The following TNPO3 variants were observed in gnomAD, a reference collection of about 807,000 sequenced individuals.
TNPO3 encodes transportin 3.
A neutral mutation model predicts 122.8 loss-of-function variants in TNPO3; 65 were observed. The observed-to-expected ratio is 0.53, with a 90% confidence interval of 0.43 to 0.65. The LOEUF is 0.65. Ranked by LOEUF, TNPO3 falls within the 30% of genes least tolerant of loss-of-function variation. The pLI, the probability that TNPO3 is intolerant of heterozygous loss-of-function variation, is 0.00. For missense variants in TNPO3, 850 were observed against 1,136.7 expected, an observed-to-expected ratio of 0.75 and a Z score of 3.63; for synonymous variants, 372 against 411.2, an observed-to-expected ratio of 0.90 and a Z score of 1.15.
At chr7:128,957,563 T>C (rs1367457445) in intron 21 of TNPO3, among the ~76,000 whole-genome samples, 1 of 152,230 alleles carries the variant, frequency 6.6e-6, no homozygotes, top group Non-Finnish European at 1.5e-5. Flanking sequence ...CGAGTTTGAA[T>C]CTTGGCTCCA....
In TNPO3 at chr7:128,955,166, G is replaced by T; in HGVS notation, c.*251C>A. On this transcript the variant is annotated 3_prime_UTR_variant, in exon 23 of 23. Coordinates refer to ENST00000265388, the MANE Select transcript of TNPO3 (RefSeq NM_012470.4). Reference sequence around the variant, plus strand: ...AGGAAACCAGCTCCCCTCCCACCACGCCGGGCAGGCCACAGCCATCTTTTT... The same window carrying T: ...AGGAAACCAGCTCCCCTCCCACCACTCCGGGCAGGCCACAGCCATCTTTTT... 3.5e-6 allele frequency: 1 copy of T among 289,248 alleles called. No homozygotes were observed. The highest frequency in any genetic ancestry group is 6.9e-6 in the Non-Finnish European group (1 of 145,614). The allele number at this position is 289,248 out of a possible 1,614,324, so 17.9% of individuals were successfully genotyped here.
At position 129,050,291 on chromosome 7, in the gene TNPO3, G is replaced by C. The variant is rs182314174; in HGVS notation, c.120+4360C>G. 2.6e-4 allele frequency among the ~76,000 whole-genome samples: 40 copies of C among 151,102 alleles called. No individual in the cohort carries two copies. The East Asian group carries it at 7.4e-3, about 28-fold the overall frequency. ...CCCAGCTACTCTGGAGGCTGAGGCAGGAGAATGGCGTGAACCCGGGAGGCG... is the reference window on the plus strand; with the variant it reads ...CCCAGCTACTCTGGAGGCTGAGGCACGAGAATGGCGTGAACCCGGGAGGCG... On this transcript the variant is annotated intron_variant, in intron 1 of 22. Coordinates refer to ENST00000265388, the MANE Select transcript of TNPO3 (RefSeq NM_012470.4).
At chr7:129,052,000 T>C (rs531460405) in intron 1 of TNPO3, among the ~76,000 whole-genome samples, 2 of 152,272 alleles carry the variant, frequency 1.3e-5, no homozygotes, top group East Asian at 3.9e-4. Flanking sequence ...TGTGACCAGG[T>C]GGCTAAAGAG....
At chr7:128,978,386 T>G (rs1799288930) in intron 16 of TNPO3, among the ~76,000 whole-genome samples, 1 of 152,238 alleles carries the variant, frequency 6.6e-6, no homozygotes, top group Non-Finnish European at 1.5e-5. Context: ...TCTGACTTGC[T>G]ACATTTTTTC....
intron 16 of TNPO3, among the ~76,000 whole-genome samples, chr7:128,976,181 T>C (rs1021146901): frequency 6.6e-6 from 1 of 152,208 alleles, no homozygotes; most frequent in Non-Finnish European, 1.5e-5. Context: ...GAGTTAAAGC[T>C]AGAAGCTATC....
At chr7:129,008,697 A>G (rs1045519363) in intron 4 of TNPO3, among the ~76,000 whole-genome samples, 3 of 152,216 alleles carry the variant, frequency 2.0e-5, no homozygotes, top group Non-Finnish European at 4.4e-5. Context: ...CATGAACTGG[A>G]GCCACTGAGA....
rs141605572 is a variant in TNPO3, at chr7:129,041,907, G to A, written c.120+12744C>T. On this transcript the variant is annotated intron_variant, in intron 1 of 22. Transcript: ENST00000265388. ...TCTAAGCCCTTCATTATACTTCACA[G>A]CAGATCCTAAAGTACTTGCTCCCTT... Among the ~76,000 whole-genome samples, 174 of 152,280 alleles carry A rather than the reference G, an allele frequency of 1.1e-3. 1 individual carries two copies. Among genetic ancestry groups the A allele is most frequent in the African/African-American group, 3.7e-3 (155 of 41,540 alleles).
chr7:128,993,276 T>C lies in TNPO3; in HGVS notation c.1266+531A>G, dbSNP rs974241944. Among the ~76,000 whole-genome samples, 9 of 152,190 alleles carry C rather than the reference T, an allele frequency of 5.9e-5. No homozygotes were observed. In the South Asian group the frequency reaches 6.2e-4, roughly 11 times the overall value. ...GTTAAGTGATATGGAATGATGATGA[T>C]TGTAACCTTATGAGGTAAAATGTTA... On this transcript the variant is annotated intron_variant, in intron 9 of 22. Transcript: ENST00000265388.
In TNPO3 at chr7:128,972,470, T is replaced by C; in HGVS notation, c.2386A>G (p.Met796Val). 6.2e-7 allele frequency: 1 copy of C among 1,614,134 alleles called. No homozygotes were observed. The highest frequency in any genetic ancestry group is 8.5e-7 in the Non-Finnish European group (1 of 1,180,018). The change falls in exon 19 of 23, where the codon ATG becomes GTG. Residue 796 changes from methionine to valine, a missense_variant. By Grantham distance (21) the Met-to-Val change is conservative. Transcript: ENST00000265388. The part of the protein sequence containing the change: ...LDHRDANCSV[M>V]RFLRDLIHTG... ...TGAATGAGGTCTCGTAGAAACCTCATGACACTACAATTGGCATCCCGGTGG... is the reference window on the plus strand; with the variant it reads ...TGAATGAGGTCTCGTAGAAACCTCACGACACTACAATTGGCATCCCGGTGG...
chr7:128,994,011 A>C, intron 8 of TNPO3, 97 bp from the exon 9 acceptor site: 2 of 1,122,994 alleles, frequency 1.8e-6, no homozygotes, highest in Non-Finnish European at 2.6e-6. Flanking sequence ...TTAAGCAGTC[A>C]AGTTTCAATG....
chr7:129,022,716 GAAGA>G (rs972177519), intron 1 of TNPO3, among the ~76,000 whole-genome samples: 2 of 152,130 alleles, frequency 1.3e-5, no homozygotes, highest in East Asian at 1.9e-4. Flanking sequence ...CTTCATGAAA[GAAGA>G]AAGAACAGGG....
At chr7:129,008,914 A>C (rs952425204) in intron 4 of TNPO3, among the ~76,000 whole-genome samples, 2 of 152,234 alleles carry the variant, frequency 1.3e-5, no homozygotes, top group African/African-American at 4.8e-5. Context: ...TCAAACTGAA[A>C]GACCAAATTC....
chr7:128,977,319 T>C (rs1456425715), intron 16 of TNPO3, among the ~76,000 whole-genome samples: 2 of 152,262 alleles, frequency 1.3e-5, no homozygotes, highest in African/African-American at 4.8e-5. Flanking sequence ...CAAGTTGTAG[T>C]AGACCCAGAA....
At chr7:128,998,898 G>A (rs1232117768) in intron 7 of TNPO3, among the ~76,000 whole-genome samples, 1 of 151,570 alleles carries the variant, frequency 6.6e-6, no homozygotes, top group African/African-American at 2.4e-5. Flanking sequence ...CTGTCACCCA[G>A]GCTGGAGTAC....
intron 1 of TNPO3, among the ~76,000 whole-genome samples, chr7:129,049,888 G>C (rs1808496830): frequency 6.6e-6 from 1 of 152,134 alleles, no homozygotes. Context: ...GGAATTGGAA[G>C]CACAGGTACA....
At chr7:129,003,680 C>T (rs1449781255) in intron 5 of TNPO3, among the ~76,000 whole-genome samples, 2 of 151,742 alleles carry the variant, frequency 1.3e-5, no homozygotes, top group Non-Finnish European at 2.9e-5. Context: ...CTGTGACACT[C>T]CCCCTAAAAA....
chr7:129,014,409 G>C (rs1803594544), intron 4 of TNPO3, among the ~76,000 whole-genome samples: 4 of 152,170 alleles, frequency 2.6e-5, no homozygotes. Flanking sequence ...TGTAGTCCCA[G>C]CTACTCAGGA....
chr7:129,040,161 A>C (rs1240063812), intron 1 of TNPO3, among the ~76,000 whole-genome samples: 2 of 151,966 alleles, frequency 1.3e-5, no homozygotes, highest in African/African-American at 4.8e-5. Context: ...AGGCTGAGGC[A>C]GGAGAATCAC....
Position 128,990,043 on chromosome 7 carries a change from G to C in TNPO3, c.1416C>G (p.Thr472=), listed in dbSNP as rs368379579. 1.9e-6 allele frequency: 3 copies of C among 1,613,996 alleles called. No homozygotes were observed. In the East Asian group the frequency reaches 6.7e-5, roughly 36 times the overall value. ...VLEGVVRLPE[T]VHTAVRYTSI... ...TGGTGTATCGCACAGCCGTATGTAC[G>C]GTCTCCGGGAGGCGGACAACTCCTT... Residue 472 remains threonine (T), a synonymous_variant, in exon 11 of 23, where the codon ACC becomes ACG. Transcript: ENST00000265388.
Sources: gnomAD v4.1 joint callset for allele counts (sites outside exome capture counted in the v4.1 genomes callset) on GRCh38, gnomAD v4.1.1 for gene constraint, MANE v1.5 for transcripts, NCBI Gene and HGNC (gene_info 2026-07-23, HGNC 2026-07-21) for gene names.